Variants in SKOR2 observed in about 807,000 individuals in gnomAD.
SKOR2 encodes the protein LBX1 corepressor 1-like protein.
Under a neutral mutation model 69.1 loss-of-function variants are expected in SKOR2, and 47 were observed. That is an observed-to-expected ratio of 0.68 (90% CI 0.54 to 0.87). The LOEUF is 0.87. Ranked by LOEUF, SKOR2 falls within the 40% of genes least tolerant of loss-of-function variation. SKOR2 has a pLI of 0.00. For synonymous variants in SKOR2, 717 were observed against 672.6 expected, an observed-to-expected ratio of 1.07 and a Z score of -1.02; for missense variants, 1,404 against 1,472.2, an observed-to-expected ratio of 0.95 and a Z score of 0.76.
chr18:47,249,252 GT>G (rs2064302567), intron 1 of SKOR2, 22 bp from the exon 2 acceptor site: 2 of 1,468,766 alleles, frequency 1.4e-6, no homozygotes, highest in Admixed American at 4.7e-5. Flanking sequence ...AGGAGAAAGC[GT>G]TGACTTGAGC....
intron 6 of SKOR2, 27 bp downstream of exon 6, chr18:47,230,432 T>C: frequency 7.9e-7 from 1 of 1,260,460 alleles, no homozygotes; most frequent in Non-Finnish European, 1.0e-6. Context: ...TTATCATAAA[T>C]ACAATGAAAT....
intron 2 of SKOR2, among the ~76,000 whole-genome samples, chr18:47,245,800 T>C (rs969828602): frequency 6.6e-6 from 1 of 152,178 alleles, no homozygotes; most frequent in Non-Finnish European, 1.5e-5. Flanking sequence ...CTATGTTATT[T>C]ACAGAAGCAT....
At chr18:47,231,024 C>T (rs1568086691) in intron 4 of SKOR2, 24 bp from the exon 5 acceptor site, 1 of 1,535,426 alleles carries the variant, frequency 6.5e-7, no homozygotes, top group Non-Finnish European at 8.7e-7. Context: ...AGGAAAAATA[C>T]TATTAGTTTT....
chr18:47,222,470 C>T (rs1357806236), intron 6 of SKOR2, among the ~76,000 whole-genome samples: 1 of 152,210 alleles, frequency 6.6e-6, no homozygotes, highest in Non-Finnish European at 1.5e-5. Flanking sequence ...GAGGAGCTAG[C>T]ATCCACCTCA....
At chr18:47,228,110 T>C (rs181998705) in intron 6 of SKOR2, among the ~76,000 whole-genome samples, 184 of 152,346 alleles carry the variant, frequency 1.2e-3, no homozygotes, top group Non-Finnish European at 2.1e-3. Flanking sequence ...AATCTAAATC[T>C]GTCCCCTAGC....
At position 47,206,180 on chromosome 18, in the gene SKOR2, T is replaced by C. The variant is rs2064112502; in HGVS notation, c.*716A>G. On this transcript the variant is annotated 3_prime_UTR_variant, in exon 9 of 9. Transcript: ENST00000425639. ...CATGAACACAACCATTACTTCATAGTTTTTTTATTATAGACTTTTTTATCC... is the reference window on the plus strand; with the variant it reads ...CATGAACACAACCATTACTTCATAGCTTTTTTATTATAGACTTTTTTATCC... 1 of 152,180 alleles carries C rather than the reference T, an allele frequency of 6.6e-6. No individual in the cohort carries two copies. Among genetic ancestry groups the C allele is most frequent in the African/African-American group, 2.4e-5 (1 of 41,460 alleles). 9.4% of individuals were successfully genotyped at this position (152,180 alleles called of 1,614,324 possible). A position where few individuals can be genotyped will look rare whatever the true frequency, so the allele number is the denominator to read the frequency against.
At chr18:47,237,352 T>C (rs998104355) in intron 4 of SKOR2, among the ~76,000 whole-genome samples, 1 of 152,222 alleles carries the variant, frequency 6.6e-6, no homozygotes, top group African/African-American at 2.4e-5. Flanking sequence ...CCTGAAAATA[T>C]TAATTAGCGT....
chr18:47,249,762 G>A (rs532512030), intron 1 of SKOR2, among the ~76,000 whole-genome samples: 4 of 152,264 alleles, frequency 2.6e-5, no homozygotes, highest in South Asian at 2.1e-4. Flanking sequence ...TTCATTATTG[G>A]TTGAAACACA....
Position 47,247,176 on chromosome 18 carries a change from G to C in SKOR2, c.2008C>G (p.Pro670Ala). The C allele has an allele frequency of 1.5e-6, 2 of 1,313,492 alleles. No homozygotes were observed. The highest frequency in any genetic ancestry group is 1.9e-6 in the Non-Finnish European group (2 of 1,035,156). 81.4% of individuals were successfully genotyped at this position (1,313,492 alleles called of 1,614,324 possible). Residue 670 changes from proline to alanine, a missense_variant, in exon 2 of 9, where the codon CCG becomes GCG. Around this residue, in one of 3 missense-constraint regions of SKOR2, gnomAD observed 1,266 missense variants for 1,309.9 expected, o/e 0.97. Transcript: ENST00000425639. This position sits in a 1 kb window ranked among gnomAD's most constrained non-coding sequence, Gnocchi z 6.6. ...AGCAGAAGCGGCGACGGCGGCTGCGGGGGGTGGTGGTGGTGGTGGTGGTGG... is the reference window on the plus strand; with the variant it reads ...AGCAGAAGCGGCGACGGCGGCTGCGCGGGGTGGTGGTGGTGGTGGTGGTGG... ...PHHHHHHHHP[P>A]QPPSPLLLLP...
At chr18:47,243,088 A>T (rs1427172386) in intron 4 of SKOR2, among the ~76,000 whole-genome samples, 1 of 152,232 alleles carries the variant, frequency 6.6e-6, no homozygotes, top group Non-Finnish European at 1.5e-5. Context: ...TGCCACTGAG[A>T]TGTGACATTG....
Position 47,248,410 on chromosome 18 carries a change from A to G in SKOR2, c.774T>C (p.Ser258=), listed in dbSNP as rs1256691802. ...CGGCGGCCACGGCGGCCGCCTTCAC[A>G]GAGCTGAGCGGGTGGCAGGCGGGGT... The part of the protein sequence containing the change: ...GAHPACHPLS[S]VKAAAVAAAA... Residue 258 remains serine (S), a synonymous_variant, in exon 2 of 9, where the codon TCT becomes TCC. Transcript: ENST00000425639. The surrounding 1 kb of genome is among the most constrained non-coding windows in gnomAD (Gnocchi z 6.4). 6.7e-7 allele frequency: 1 copy of G among 1,500,980 alleles called. No homozygotes were observed. Among genetic ancestry groups the G allele is most frequent in the South Asian group, 1.2e-5 (1 of 82,978 alleles). 93.0% of individuals were successfully genotyped at this position (1,500,980 alleles called of 1,614,324 possible).
Position 47,251,491 on chromosome 18 carries a change from G to A in SKOR2, c.-165C>T, listed in dbSNP as rs2064312651. On this transcript the variant is annotated 5_prime_UTR_variant, in exon 1 of 9. Coordinates refer to ENST00000425639, the MANE Select transcript of SKOR2 (RefSeq NM_001278063.4). ...AGCGGGCGGGACTCTGGCGGGCTCC[G>A]CGCGAAGATCCGGGCTCTGGCCCGA... The A allele has an allele frequency of 1.3e-5, 2 of 152,286 alleles. No homozygotes were observed. Among genetic ancestry groups the A allele is most frequent in the Admixed American group, 6.5e-5 (1 of 15,290 alleles). The allele number at this position is 152,286 out of a possible 1,614,324, so 9.4% of individuals were successfully genotyped here. A position where few individuals can be genotyped will look rare whatever the true frequency, so the allele number is the denominator to read the frequency against.
At chr18:47,245,369 G>T (rs2064267192) in intron 3 of SKOR2, 129 bp downstream of exon 3, 2 of 822,948 alleles carry the variant, frequency 2.4e-6, no homozygotes, top group Non-Finnish European at 1.7e-6. Context: ...AACCAAAAAA[G>T]AGCCCACAAA....
In SKOR2 at chr18:47,235,780, C is replaced by CAAAAAAAAAAAAAAAAAAAAA. The variant is rs11433396; in HGVS notation, c.2753-4801_2753-4781dup. Reference sequence around the variant, plus strand: ...GGACTATATGAACAACACAAACAAGCAAAAAAAAAAAAAAAAAAAAACAGC... The same window carrying CAAAAAAAAAAAAAAAAAAAAA: ...GGACTATATGAACAACACAAACAAGCAAAAAAAAAAAAAAAAAAAAAAAAAAAAAAAAAAAAAAAAAACAGC... On this transcript the variant is annotated intron_variant, in intron 4 of 8. Transcript: ENST00000425639. 5.1e-5 allele frequency among the ~76,000 whole-genome samples: 3 copies of CAAAAAAAAAAAAAAAAAAAAA among 59,294 alleles called. 1 individual carries two copies. Among genetic ancestry groups the CAAAAAAAAAAAAAAAAAAAAA allele is most frequent in the Non-Finnish European group, 1.1e-4 (3 of 27,406 alleles). The allele number at this position is 59,294 out of a possible 152,430, so 38.9% of individuals were successfully genotyped here.
intron 4 of SKOR2, among the ~76,000 whole-genome samples, chr18:47,243,505 A>G (rs1469542273): frequency 6.6e-6 from 1 of 152,214 alleles, no homozygotes; most frequent in Non-Finnish European, 1.5e-5. Context: ...AATTGAATAG[A>G]ATTATAAACC....
rs1047029435 is a variant in SKOR2, at chr18:47,237,897, C to A, written c.2753-6897G>T. On this transcript the variant is annotated intron_variant, in intron 4 of 8. Coordinates refer to ENST00000425639, the MANE Select transcript of SKOR2 (RefSeq NM_001278063.4). ...CTACCTATGTTGCCCAGTCTGGTCT[C>A]GAACTCCTGGGCTCAGGGAATCCTC... is the stretch of plus-strand genomic sequence containing the variant. Among the ~76,000 whole-genome samples, 4 of 152,176 alleles carry A rather than the reference C, an allele frequency of 2.6e-5. No individual in the cohort carries two copies. In the South Asian group the frequency reaches 8.3e-4, roughly 32 times the overall value.
chr18:47,246,841 T>A lies in SKOR2; in HGVS notation c.2343A>T (p.Leu781Phe). The change falls in exon 2 of 9, where the codon TTA (leucine) becomes TTT (phenylalanine). Residue 781 changes from leucine to phenylalanine, a missense_variant. Around this residue, in one of 3 missense-constraint regions of SKOR2, gnomAD observed 1,266 missense variants for 1,309.9 expected, o/e 0.97. Coordinates refer to ENST00000425639, the MANE Select transcript of SKOR2 (RefSeq NM_001278063.4). ...EETEVLLGDPLVGGGRFLQGR... is the reference protein window; with the variant it reads ...EETEVLLGDPFVGGGRFLQGR... ...CCTGGAGGAACCGGCCGCCCCCGAC[T>A]AAGGGGTCGCCGAGTAGGACCTCCG... is the stretch of plus-strand genomic sequence containing the variant. 2 of 1,477,208 alleles carry A rather than the reference T, an allele frequency of 1.4e-6. No individual in the cohort carries two copies. The highest frequency in any genetic ancestry group is 1.8e-6 in the Non-Finnish European group (2 of 1,119,784). The allele number at this position is 1,477,208 out of a possible 1,614,324, so 91.5% of individuals were successfully genotyped here.
rs1273925244 is a variant in SKOR2, at chr18:47,248,773, G to T, written c.411C>A (p.Pro137=). 17 of 1,550,292 alleles carry T rather than the reference G, an allele frequency of 1.1e-5. No individual in the cohort carries two copies. The highest frequency in any genetic ancestry group is 1.4e-5 in the Non-Finnish European group (16 of 1,154,638). Residue 137 remains proline, a synonymous_variant, in exon 2 of 9, where the codon CCC becomes CCA. Coordinates refer to ENST00000425639, the MANE Select transcript of SKOR2 (RefSeq NM_001278063.4). This position sits in a 1 kb window ranked among gnomAD's most constrained non-coding sequence, Gnocchi z 6.4. The part of the protein sequence containing the change: ...CKSFLGENRP[P]KLPDNFAFDV... Reference sequence around the variant, plus strand: ...CGAAGGCGAAATTGTCTGGCAGCTTGGGCGGCCTGTTTTCGCCCAGGAACG... The same window carrying T: ...CGAAGGCGAAATTGTCTGGCAGCTTTGGCGGCCTGTTTTCGCCCAGGAACG...
chr18:47,213,689 G>A (rs545053388), intron 7 of SKOR2, among the ~76,000 whole-genome samples: 1 of 152,018 alleles, frequency 6.6e-6, no homozygotes, highest in East Asian at 1.9e-4. Flanking sequence ...ATCTGATAAA[G>A]GGCATAGATA....
Sources: allele counts gnomAD v4.1 joint callset (sites outside exome capture counted in the v4.1 genomes callset), GRCh38; gene constraint gnomAD v4.1.1; regional missense constraint gnomAD v4.1.1; non-coding constraint Gnocchi (gnomAD v3.1); transcripts MANE v1.5; gene names NCBI Gene and HGNC (gene_info 2026-07-23, HGNC 2026-07-21).